SEC24C: variants seen among roughly 807,000 people sequenced by gnomAD.
The protein encoded by SEC24C is SEC24 homolog C, COPII component.
A neutral mutation model predicts 117.0 loss-of-function variants in SEC24C; 22 were observed. That is an observed-to-expected ratio of 0.19 (90% confidence interval 0.13 to 0.27). The LOEUF (loss-of-function observed/expected upper bound fraction) is 0.27, where lower values mean the gene tolerates loss of function less well. Among genes scored for constraint, SEC24C ranks in the 10% least tolerant of loss-of-function variants. SEC24C has a pLI of 1.00. For missense variants in SEC24C, 1,155 were observed against 1,375.1 expected, an observed-to-expected ratio of 0.84 and a Z score of 2.53; for synonymous variants, 506 against 529.4, an observed-to-expected ratio of 0.96 and a Z score of 0.61.
chr10:73,762,210 A>G (rs1172378902), intron 6 of SEC24C: 1 of 1,239,694 alleles, frequency 8.1e-7, no homozygotes, highest in Non-Finnish European at 1.1e-6. Context: ...TTCCTGTGTT[A>G]GTGCCATCCA....
In SEC24C at chr10:73,771,189, C is replaced by G; in HGVS notation, c.*94C>G. The G allele has an allele frequency of 7.0e-7, 1 of 1,430,318 alleles. No homozygotes were observed. Among genetic ancestry groups the G allele is most frequent in the South Asian group, 1.3e-5 (1 of 75,884 alleles). The allele number at this position is 1,430,318 out of a possible 1,614,324, so 88.6% of individuals were successfully genotyped here. On this transcript the variant is annotated 3_prime_UTR_variant, in exon 23 of 23. Coordinates refer to ENST00000345254, the MANE Select transcript of SEC24C (RefSeq NM_198597.3). ...GGGACAGTAACATATCTTATGTAAG[C>G]TGACCTCAGTCTCTCTGGGGGGAGG...
Position 73,767,116 on chromosome 10 carries a change from A to G in SEC24C, c.1956A>G (p.Pro652=), listed in dbSNP as rs751286127. 1.9e-6 allele frequency: 3 copies of G among 1,614,112 alleles called. No homozygotes were observed. In the Admixed American group the frequency reaches 5.0e-5, roughly 27 times the overall value. The change falls in exon 14 of 23, where the codon CCA becomes CCG. Residue 652 remains proline, a synonymous_variant. Coordinates refer to ENST00000345254, the MANE Select transcript of SEC24C (RefSeq NM_198597.3). ...FHTSLPIAEA[P]GKLKNRDDRK... ...CATCCCTGCCCATTGCAGAGGCCCC[A>G]GGGAAACTGAAGAACAGAGATGACA...
chr10:73,771,211 G>T lies in SEC24C; in HGVS notation c.*116G>T. 3 of 1,235,964 alleles carry T rather than the reference G, an allele frequency of 2.4e-6. No homozygotes were observed. The highest frequency in any genetic ancestry group is 1.4e-5 in the South Asian group (1 of 69,124). The allele number at this position is 1,235,964 out of a possible 1,614,324, so 76.6% of individuals were successfully genotyped here. On this transcript the variant is annotated 3_prime_UTR_variant, in exon 23 of 23. Coordinates refer to ENST00000345254, the MANE Select transcript of SEC24C (RefSeq NM_198597.3). Reference sequence around the variant, plus strand: ...AAGCTGACCTCAGTCTCTCTGGGGGGAGGGGGAGATATAAGGAGACACCTT... The same window carrying T: ...AAGCTGACCTCAGTCTCTCTGGGGGTAGGGGGAGATATAAGGAGACACCTT...
At position 73,759,602 on chromosome 10, in the gene SEC24C, T is replaced by C. The variant is rs371752928; in HGVS notation, c.309-20T>C. 7.4e-5 allele frequency: 110 copies of C among 1,494,956 alleles called. No individual in the cohort carries two copies. The highest frequency in any genetic ancestry group is 1.0e-4 in the Admixed American group (4 of 40,158). The allele number at this position is 1,494,956 out of a possible 1,614,324, so 92.6% of individuals were successfully genotyped here. On this transcript the variant is annotated intron_variant, in intron 3 of 22. Transcript: ENST00000345254. ...GTGTCCTGGCCCCACTAGTCACCTCTGCTTGCTTTCTTTTCACAGGCTGCC... is the reference window on the plus strand; with the variant it reads ...GTGTCCTGGCCCCACTAGTCACCTCCGCTTGCTTTCTTTTCACAGGCTGCC...
chr10:73,747,729 G>A (rs2082579750), intron 2 of SEC24C, among the ~76,000 whole-genome samples: 1 of 144,706 alleles, frequency 6.9e-6, no homozygotes, highest in Admixed American at 7.1e-5. Flanking sequence ...GCACGATCTC[G>A]GCTCACCACA....
Position 73,760,028 on chromosome 10 carries a change from A to G in SEC24C, c.492A>G (p.Thr164=). ...TATTCTACTTCTCAGGCCCACCAAC[A>G]TCGCTGGCTTCAGCCTCAGGAAGTT... ...PSSGLGFGPP[T]SLASASGSFP... The change falls in exon 5 of 23, where the codon ACA becomes ACG. Residue 164 remains threonine (T), a synonymous_variant. Transcript: ENST00000345254. 6.3e-7 allele frequency: 1 copy of G among 1,580,238 alleles called. No individual in the cohort carries two copies. Among genetic ancestry groups the G allele is most frequent in the South Asian group, 1.1e-5 (1 of 88,768 alleles).
intron 2 of SEC24C, among the ~76,000 whole-genome samples, chr10:73,749,515 C>T (rs10824031): frequency 0.45 from 68,060 of 150,740 alleles, 17,258 homozygotes; most frequent in Middle Eastern, 0.62. Flanking sequence ...CAGTGTTTGG[C>T]TTTTAACCTT....
rs778851234 is a variant in SEC24C, at chr10:73,769,524, G to A, written c.2563+39G>A. 5.6e-6 allele frequency: 9 copies of A among 1,613,944 alleles called. No individual in the cohort carries two copies. The Admixed American group carries it at 1.3e-4, about 24-fold the overall frequency. On this transcript the variant is annotated intron_variant, in intron 18 of 22. Transcript: ENST00000345254. This position sits in a 1 kb window ranked among gnomAD's most constrained non-coding sequence, Gnocchi z 4.5. ...CAGGGCAGGGTGGGATTGGGGCTGAGAGGTCCAGGATGGTGAGTGGGTAGT... is the reference window on the plus strand; with the variant it reads ...CAGGGCAGGGTGGGATTGGGGCTGAAAGGTCCAGGATGGTGAGTGGGTAGT...
At chr10:73,764,534 A>C (rs1007019290) in intron 8 of SEC24C, among the ~76,000 whole-genome samples, 1 of 152,146 alleles carries the variant, frequency 6.6e-6, no homozygotes, top group East Asian at 1.9e-4. Flanking sequence ...AAAAAAAAAA[A>C]AAAAAACAAG....
At chr10:73,746,749 G>A in intron 1 of SEC24C, 56 bp from the exon 2 acceptor site, 1 of 1,259,956 alleles carries the variant, frequency 7.9e-7, no homozygotes, top group East Asian at 2.5e-5. Context: ...TTCCTGCCCT[G>A]AATAGTTGCT....
At chr10:73,765,763 T>A in intron 9 of SEC24C, 37 bp from the exon 10 acceptor site, 1 of 1,593,578 alleles carries the variant, frequency 6.3e-7, no homozygotes, top group Non-Finnish European at 8.6e-7. Flanking sequence ...AGATTGAAAC[T>A]GGATCTTCGA....
chr10:73,770,013 T>C lies in SEC24C; in HGVS notation c.2860T>C (p.Leu954=). 6.2e-7 allele frequency: 1 copy of C among 1,613,978 alleles called. No individual in the cohort carries two copies. The highest frequency in any genetic ancestry group is 8.5e-7 in the Non-Finnish European group (1 of 1,179,904). The change falls in exon 20 of 23, where the codon TTG becomes CTG. Residue 954 remains leucine, a splice_region_variant and synonymous_variant. Coordinates refer to ENST00000345254, the MANE Select transcript of SEC24C (RefSeq NM_198597.3). ...NVFFYPRLLP[L]TKSPVESTTE... ...CTTCTTCTACCCTCGGCTCTTACCT[T>C]TGGTGCGATTGAGGGTTGGAGTATG...
chr10:73,756,416 C>T (rs569486494), intron 3 of SEC24C, among the ~76,000 whole-genome samples: 1 of 152,160 alleles, frequency 6.6e-6, no homozygotes, highest in South Asian at 2.1e-4. Flanking sequence ...TGCTGTTTCT[C>T]TCAGGCTGGC....
At position 73,771,078 on chromosome 10, in the gene SEC24C, C is replaced by T. The variant is rs769309794; in HGVS notation, c.3268C>T (p.Arg1090Trp). The T allele has an allele frequency of 3.1e-6, 5 of 1,613,840 alleles. No individual in the cohort carries two copies. The highest frequency in any genetic ancestry group is 4.2e-6 in the Non-Finnish European group (5 of 1,179,994). Reference sequence around the variant, plus strand: ...TCTCTGTCATATGCACAAGGAGATTCGGCAGCTACTGAGCTAAAGCAAGTG... The same window carrying T: ...TCTCTGTCATATGCACAAGGAGATTTGGCAGCTACTGAGCTAAAGCAAGTG... ...DFLCHMHKEI[R>W]QLLS Residue 1090 changes from arginine to tryptophan, a missense_variant, in exon 23 of 23, where the codon CGG (arginine) becomes TGG (tryptophan). Around this residue, in one of 2 missense-constraint regions of SEC24C, gnomAD observed 759 missense variants for 992.3 expected, o/e 0.76. Transcript: ENST00000345254.
At chr10:73,754,437 G>A (rs2082683602) in intron 3 of SEC24C, among the ~76,000 whole-genome samples, 1 of 152,014 alleles carries the variant, frequency 6.6e-6, no homozygotes, top group Admixed American at 6.6e-5. Context: ...GTATATGGGA[G>A]GTTATATGCA....
chr10:73,747,033 C>T lies in SEC24C; in HGVS notation c.172+29C>T, dbSNP rs1017068259. 6 of 1,598,014 alleles carry T rather than the reference C, an allele frequency of 3.8e-6. No homozygotes were observed. The African/African-American group carries it at 5.4e-5, about 14-fold the overall frequency. The stretch of plus-strand genomic sequence containing the variant: ...TGTTTCTGTTTCTGTTTCCTTTGAG[C>T]TAGGGAGGGAAATCAGCAGAGTCTT... On this transcript the variant is annotated intron_variant, in intron 2 of 22. Coordinates refer to ENST00000345254, the MANE Select transcript of SEC24C (RefSeq NM_198597.3).
rs1173188137 is a variant in SEC24C, at chr10:73,763,936, C to T, written c.1180C>T (p.Pro394Ser). 3.1e-6 allele frequency: 5 copies of T among 1,609,800 alleles called. No individual in the cohort carries two copies. Among genetic ancestry groups the T allele is most frequent in the Non-Finnish European group, 4.2e-6 (5 of 1,177,752 alleles). The stretch of plus-strand genomic sequence containing the variant: ...TGACATGGCTAAGCAGGCTCAGGTG[C>T]CCCTGGCAGCAGTCATCAAACCGCT... ...TSDMAKQAQV[P>S]LAAVIKPLAR... Residue 394 changes from proline to serine, a missense_variant, in exon 8 of 23, where the codon CCC becomes TCC. Coordinates refer to ENST00000345254, the MANE Select transcript of SEC24C (RefSeq NM_198597.3).
chr10:73,767,758 A>G, intron 14 of SEC24C, 79 bp from the exon 15 acceptor site: 3 of 1,112,528 alleles, frequency 2.7e-6, no homozygotes, highest in Non-Finnish European at 3.8e-6. Context: ...TGAATATCCC[A>G]TGCTAGATAT....
At chr10:73,766,317 G>T (rs917556807) in intron 11 of SEC24C, 33 bp from the exon 12 acceptor site, 3 of 1,582,922 alleles carry the variant, frequency 1.9e-6, no homozygotes, top group Non-Finnish European at 2.6e-6. Flanking sequence ...TGGAAAAGGT[G>T]GCAAGTCTAG....
Sources: allele counts gnomAD v4.1 joint callset (sites outside exome capture counted in the v4.1 genomes callset), GRCh38; gene constraint gnomAD v4.1.1; regional missense constraint gnomAD v4.1.1; non-coding constraint Gnocchi (gnomAD v3.1); transcripts MANE v1.5; gene names NCBI Gene and HGNC (gene_info 2026-07-23, HGNC 2026-07-21).